LMNB1: variants seen among roughly 807,000 people sequenced by gnomAD.
The protein encoded by LMNB1 is lamin B1, also known as lamin-B1.
LMNB1 carries 23 observed loss-of-function variants against 67.1 expected under a neutral mutation model. The observed-to-expected ratio is 0.34, with a 90% CI of 0.25 to 0.49. LMNB1 has a LOEUF of 0.49. LMNB1 is among the 20% of genes least tolerant of loss of function. The pLI is 0.99. For missense variants in LMNB1, 634 were observed against 746.5 expected, an observed-to-expected ratio of 0.85 and a Z score of 1.76; for synonymous variants, 281 against 282.9, an observed-to-expected ratio of 0.99 and a Z score of 0.07.
chr5:126,789,062 AT>A (rs1014112774), intron 1 of LMNB1, among the ~76,000 whole-genome samples: 2 of 151,888 alleles, frequency 1.3e-5, no homozygotes, highest in African/African-American at 4.8e-5. Flanking sequence ...CGACTGGCTA[AT>A]TTTTTGTGGG....
chr5:126,832,745 G>A lies in LMNB1; in HGVS notation c.1663G>A (p.Glu555Lys). ...VFKTTIPEEE[E>K]EEEEAAGVVV... ...TAAAACAACCATACCTGAAGAAGAG[G>A]AGGAGGAGGAAGAAGCAGCTGGAGT... The change falls in exon 10 of 11, where the codon GAG (glutamate) becomes AAG (lysine). Residue 555 changes from glutamate to lysine, a missense_variant. Glu to Lys is a moderately conservative substitution (Grantham distance 56). Transcript: ENST00000261366. The A allele has an allele frequency of 6.2e-7, 1 of 1,613,200 alleles. No homozygotes were observed. Among genetic ancestry groups the A allele is most frequent in the East Asian group, 2.2e-5 (1 of 44,848 alleles).
At position 126,818,957 on chromosome 5, in the gene LMNB1, G is replaced by A. The variant is rs766467784; in HGVS notation, c.975G>A (p.Glu325=). The A allele has an allele frequency of 5.6e-6, 9 of 1,613,960 alleles. No individual in the cohort carries two copies. Among genetic ancestry groups the A allele is most frequent in the Non-Finnish European group, 5.9e-6 (7 of 1,179,960 alleles). ...GTTTGGAAAGGATTCAAGAATTAGA[G>A]GACTTGCTTGCTAAAGAAAAAGACA... ...RACLERIQEL[E]DLLAKEKDNS... Residue 325 remains glutamate (E), a synonymous_variant, in exon 6 of 11, where the codon GAG becomes GAA. Transcript: ENST00000261366.
chr5:126,786,574 A>G (rs990324161), intron 1 of LMNB1, among the ~76,000 whole-genome samples: 1 of 152,188 alleles, frequency 6.6e-6, no homozygotes, highest in African/African-American at 2.4e-5. Context: ...GTGTTCACAT[A>G]CATAACCTTA....
intron 3 of LMNB1, among the ~76,000 whole-genome samples, 157 bp downstream of exon 3, chr5:126,805,853 C>T (rs1751403917): frequency 6.6e-6 from 1 of 152,164 alleles, no homozygotes; most frequent in Non-Finnish European, 1.5e-5. Context: ...AGAAATTTTG[C>T]AGGTAGATTA....
intron 10 of LMNB1, among the ~76,000 whole-genome samples, chr5:126,834,229 TAG>T (rs1470520716): frequency 6.6e-6 from 1 of 151,604 alleles, no homozygotes; most frequent in Admixed American, 6.6e-5. Context: ...TTTTTTGAGA[TAG>T]AGTCTTGCTG....
Position 126,821,077 on chromosome 5 carries a change from G to C in LMNB1, c.1328G>C (p.Cys443Ser). ...TCCGCCTCAGCCACTGGAAATGTTT[G>C]CATCGAAGAAATTGATGTTGATGGG... ...SHSASATGNV[C>S]IEEIDVDGKF... Residue 443 changes from cysteine (C) to serine (S), a missense_variant, in exon 7 of 11, where the codon TGC (cysteine) becomes TCC (serine). Physicochemically the swap from Cys to Ser is moderately radical, Grantham distance 112. Coordinates refer to ENST00000261366, the MANE Select transcript of LMNB1 (RefSeq NM_005573.4). The C allele has an allele frequency of 6.2e-7, 1 of 1,614,020 alleles. No homozygotes were observed. Among genetic ancestry groups the C allele is most frequent in the East Asian group, 2.2e-5 (1 of 44,868 alleles).
chr5:126,783,070 A>C lies in LMNB1; in HGVS notation c.359+5203A>C, dbSNP rs568226384. 3.3e-5 allele frequency among the ~76,000 whole-genome samples: 5 copies of C among 151,770 alleles called. No individual in the cohort carries two copies. The East Asian group carries it at 9.9e-4, about 30-fold the overall frequency. On this transcript the variant is annotated intron_variant, in intron 1 of 10. Transcript: ENST00000261366. ...AAAAATCAGCCGGGCGTGGTGGTGC[A>C]CGCCTGTAATCCCAGCTACTTTGGG...
In LMNB1 at chr5:126,804,773, C is replaced by T. The variant is rs369855453; in HGVS notation, c.360-3C>T. ...TGTCTTATGCTTTTTAAATCTGTTC[C>T]AGCTATGCTAAGAAGGAATCTGATC... On this transcript the variant is annotated splice_region_variant and splice_polypyrimidine_tract_variant and intron_variant, in intron 1 of 10. Coordinates refer to ENST00000261366, the MANE Select transcript of LMNB1 (RefSeq NM_005573.4). 6.2e-6 allele frequency: 10 copies of T among 1,612,968 alleles called. No individual in the cohort carries two copies. The African/African-American group carries it at 1.2e-4, about 19-fold the overall frequency.
At chr5:126,787,544 A>ATTTTTTTTTTTTT (rs1222029249) in intron 1 of LMNB1, among the ~76,000 whole-genome samples, 7 of 76,296 alleles carry the variant, frequency 9.2e-5, no homozygotes, top group African/African-American at 3.2e-4. Flanking sequence ...ATATATATAT[A>ATTTTTTTTTTTTT]TATTTTTTTT....
intron 1 of LMNB1, among the ~76,000 whole-genome samples, chr5:126,795,933 C>CTTTGTT (rs1751077660): frequency 1.2e-5 from 1 of 82,084 alleles, no homozygotes; most frequent in East Asian, 3.7e-4. Context: ...GCCCAGGATG[C>CTTTGTT]TTTTTTTTTT....
intron 1 of LMNB1, among the ~76,000 whole-genome samples, chr5:126,788,233 A>G (rs1750859325): frequency 6.6e-6 from 1 of 152,142 alleles, no homozygotes; most frequent in African/African-American, 2.4e-5. Flanking sequence ...TGTTTGCCGG[A>G]CTTTAGGTAG....
intron 9 of LMNB1, among the ~76,000 whole-genome samples, chr5:126,829,991 CT>C (rs1752092458): frequency 1.3e-5 from 2 of 151,940 alleles, no homozygotes; most frequent in Admixed American, 1.3e-4. Flanking sequence ...TCCTTCCAAA[CT>C]TTCCAGAATA....
intron 1 of LMNB1, among the ~76,000 whole-genome samples, chr5:126,801,240 C>T (rs942285393): frequency 5.9e-5 from 9 of 151,542 alleles, no homozygotes; most frequent in South Asian, 4.2e-4. Flanking sequence ...CGTGAGCCAC[C>T]GCACTTGGCC....
At chr5:126,821,970 G>A (rs940944811) in intron 7 of LMNB1, among the ~76,000 whole-genome samples, 5 of 150,698 alleles carry the variant, frequency 3.3e-5, no homozygotes, top group South Asian at 4.2e-4. Context: ...AGCACCAACA[G>A]TTTTAATGCT....
At chr5:126,816,070 TA>T (rs1209381333) in intron 5 of LMNB1, among the ~76,000 whole-genome samples, 1 of 152,092 alleles carries the variant, frequency 6.6e-6, no homozygotes, top group East Asian at 1.9e-4. Context: ...ATATATGAAA[TA>T]AAGGGAGGCA....
intron 1 of LMNB1, among the ~76,000 whole-genome samples, chr5:126,789,026 G>T (rs1464279251): frequency 6.6e-6 from 1 of 151,920 alleles, no homozygotes; most frequent in Non-Finnish European, 1.5e-5. Flanking sequence ...CTCTGGAGTA[G>T]CTGGGACTAC....
intron 1 of LMNB1, among the ~76,000 whole-genome samples, chr5:126,783,106 A>G (rs933644922): frequency 6.6e-6 from 1 of 151,856 alleles, no homozygotes; most frequent in Non-Finnish European, 1.5e-5. Flanking sequence ...AGGCTGAGGC[A>G]GGAGAATCTC....
chr5:126,777,013 T>A (rs867296913), upstream of LMNB1: 11 of 153,076 alleles, frequency 7.2e-5, no homozygotes, highest in African/African-American at 2.7e-4. Flanking sequence ...CCCATGGTAG[T>A]CACGTGGAGG....
intron 1 of LMNB1, among the ~76,000 whole-genome samples, chr5:126,796,338 A>G (rs1484825452): frequency 6.6e-6 from 1 of 152,128 alleles, no homozygotes; most frequent in Non-Finnish European, 1.5e-5. Flanking sequence ...GTACACCTAG[A>G]CAAATGAAGG....
Sources: allele counts gnomAD v4.1 joint callset (sites outside exome capture counted in the v4.1 genomes callset), GRCh38; gene constraint gnomAD v4.1.1; transcripts MANE v1.5; gene names NCBI Gene and HGNC (gene_info 2026-07-23, HGNC 2026-07-21).